VWA8: variants seen among roughly 807,000 people sequenced by gnomAD.
VWA8 encodes von Willebrand factor A domain-containing protein 8.
Under a neutral mutation model 241.5 loss-of-function variants are expected in VWA8, and 221 were observed. That is an observed-to-expected ratio of 0.91 (90% CI 0.82 to 1.02). The LOEUF (loss-of-function observed/expected upper bound fraction) is 1.02. Ranked by LOEUF, VWA8 falls within the 50% of genes least tolerant of loss-of-function variation. The pLI is 0.00. For missense variants in VWA8, 2,322 were observed against 2,328.7 expected, an observed-to-expected ratio of 1.00 and a Z score of 0.06; for synonymous variants, 852 against 827.1, an observed-to-expected ratio of 1.03 and a Z score of -0.52.
intron 29 of VWA8, among the ~76,000 whole-genome samples, chr13:41,695,122 G>A (rs2045207998): frequency 6.6e-6 from 1 of 152,150 alleles, no homozygotes; most frequent in Non-Finnish European, 1.5e-5. Context: ...AGGGGGGCAG[G>A]GAGGAGACGC....
chr13:41,847,245 G>T (rs1291303701), intron 12 of VWA8, among the ~76,000 whole-genome samples: 3 of 152,040 alleles, frequency 2.0e-5, no homozygotes, highest in Admixed American at 6.5e-5. Flanking sequence ...GAGAAGAAAG[G>T]AATAGAAGGA....
At chr13:41,736,147 A>C (rs1245191349) in intron 21 of VWA8, among the ~76,000 whole-genome samples, 1 of 152,170 alleles carries the variant, frequency 6.6e-6, no homozygotes, top group Non-Finnish European at 1.5e-5. Context: ...TCTTTCCAGT[A>C]CAAGACATTT....
intron 14 of VWA8, among the ~76,000 whole-genome samples, chr13:41,825,965 T>C (rs1048381159): frequency 2.6e-5 from 4 of 152,254 alleles, no homozygotes; most frequent in Non-Finnish European, 5.9e-5. Flanking sequence ...GCTTTTACAC[T>C]GTGCTGTGTC....
chr13:41,864,814 C>G (rs543397239), intron 12 of VWA8, among the ~76,000 whole-genome samples: 3 of 151,928 alleles, frequency 2.0e-5, no homozygotes, highest in Non-Finnish European at 2.9e-5. Context: ...TGGCGAAACC[C>G]TGTCTCTACT....
chr13:41,926,119 T>G (rs1165195010), intron 2 of VWA8: 1 of 559,540 alleles, frequency 1.8e-6, no homozygotes, highest in East Asian at 3.1e-5. Flanking sequence ...AGTAAGAAAC[T>G]GCATCAAGGA....
At chr13:41,806,248 T>C (rs544370818) in intron 17 of VWA8, among the ~76,000 whole-genome samples, 53 of 152,104 alleles carry the variant, frequency 3.5e-4, no homozygotes, top group Admixed American at 3.0e-3. Flanking sequence ...AAAAGAAAAG[T>C]CTATAGCCAT....
intron 16 of VWA8, among the ~76,000 whole-genome samples, chr13:41,813,352 C>T (rs1870551613): frequency 6.6e-6 from 1 of 152,060 alleles, no homozygotes; most frequent in African/African-American, 2.4e-5. Flanking sequence ...AGGTAGGATA[C>T]AACAAACTTG....
intron 42 of VWA8, among the ~76,000 whole-genome samples, chr13:41,585,315 T>C (rs1329601749): frequency 1.3e-5 from 2 of 152,248 alleles, no homozygotes; most frequent in African/African-American, 4.8e-5. Context: ...AATGGCACCC[T>C]GAACACTAGT....
chr13:41,746,993 T>C (rs1246336778), intron 21 of VWA8, among the ~76,000 whole-genome samples: 1 of 152,212 alleles, frequency 6.6e-6, no homozygotes, highest in Non-Finnish European at 1.5e-5. Context: ...CAGTTTTGGT[T>C]ACTGTAGCCT....
At chr13:41,864,471 G>A (rs1208908490) in intron 12 of VWA8, 1 of 338,922 alleles carries the variant, frequency 3.0e-6, no homozygotes, top group Non-Finnish European at 5.7e-6. Flanking sequence ...GAGTGGTATA[G>A]ACATACAACA....
intron 12 of VWA8, among the ~76,000 whole-genome samples, chr13:41,854,491 T>A (rs957840281): frequency 5.4e-5 from 8 of 149,498 alleles, no homozygotes; most frequent in African/African-American, 1.7e-4. Context: ...TTTATTATAT[T>A]TATTTTTATT....
At chr13:41,664,388 GAT>G (rs1491559214) in intron 37 of VWA8, among the ~76,000 whole-genome samples, 7 of 104,628 alleles carry the variant, frequency 6.7e-5, no homozygotes, top group Non-Finnish European at 1.4e-4. Flanking sequence ...GACATGCTTT[GAT>G]GTGTGTGTGT....
At chr13:41,796,616 C>A (rs998734066) in intron 17 of VWA8, among the ~76,000 whole-genome samples, 7 of 151,890 alleles carry the variant, frequency 4.6e-5, no homozygotes, top group African/African-American at 1.7e-4. Context: ...TTGGACTAAT[C>A]TTTTCTATGA....
intron 36 of VWA8, among the ~76,000 whole-genome samples, chr13:41,674,708 G>A (rs182599902): frequency 3.9e-5 from 6 of 152,208 alleles, no homozygotes; most frequent in Non-Finnish European, 7.4e-5. Flanking sequence ...TCCATAGTGG[G>A]ACAATAATGA....
rs186148659 is a variant in VWA8 at position 41,731,044 on chromosome 13, A to T, written c.2502+1036T>A. The stretch of plus-strand genomic sequence containing the variant: ...AAAAACATAAAAAAATAAAAAATAA[A>T]AAAATAAAATAAAATAAATAAATTT... On this transcript the variant is annotated intron_variant, in intron 22 of 44. Transcript: ENST00000379310. 8.1e-4 allele frequency among the ~76,000 whole-genome samples: 122 copies of T among 150,922 alleles called. 1 individual carries two copies. The highest frequency in any genetic ancestry group is 3.0e-3 in the Admixed American group (46 of 15,208).
At chr13:41,768,135 C>T (rs1042330960) in intron 20 of VWA8, among the ~76,000 whole-genome samples, 1 of 152,194 alleles carries the variant, frequency 6.6e-6, no homozygotes, top group East Asian at 1.9e-4. Flanking sequence ...GCCTTGGGAT[C>T]CCCAGGCTGC....
intron 24 of VWA8, 137 bp from the exon 25 acceptor site, chr13:41,721,712 AGAG>A (rs1353343665): frequency 8.5e-6 from 7 of 824,606 alleles, no homozygotes; most frequent in Non-Finnish European, 1.3e-5. Context: ...AGGATGGTAC[AGAG>A]AAGAAAGCAA....
intron 35 of VWA8, among the ~76,000 whole-genome samples, chr13:41,676,654 C>G (rs2045062206): frequency 6.6e-6 from 1 of 152,060 alleles, no homozygotes; most frequent in African/African-American, 2.4e-5. Context: ...TTTTTGGAGA[C>G]AGAGTCTCAC....
chr13:41,840,321 G>A (rs191169833), intron 12 of VWA8, among the ~76,000 whole-genome samples: 93 of 152,176 alleles, frequency 6.1e-4, no homozygotes, highest in African/African-American at 2.0e-3. Context: ...TGGGGATGGC[G>A]GGGCTAGAGG....
Sources: allele counts gnomAD v4.1 joint callset (sites outside exome capture counted in the v4.1 genomes callset), GRCh38; gene constraint gnomAD v4.1.1; transcripts MANE v1.5; gene names NCBI Gene and HGNC (gene_info 2026-07-23, HGNC 2026-07-21).